The following PTPRD variants were observed in gnomAD, a reference collection of about 807,000 sequenced individuals.
The protein encoded by PTPRD is receptor-type tyrosine-protein phosphatase delta.
Under a neutral mutation model 214.5 loss-of-function variants are expected in PTPRD, and 34 were observed. The ratio of observed to expected loss-of-function variants is 0.16; its 90% CI spans 0.12 to 0.21. The LOEUF (loss-of-function observed/expected upper bound fraction) is 0.21. Among genes scored for constraint, PTPRD ranks in the 10% least tolerant of loss-of-function variants. The pLI is 1.00. For missense variants in PTPRD, 2,545 were observed against 2,398.7 expected (o/e 1.06, Z -1.27); for synonymous variants, 1,128 against 845.7 (o/e 1.33, Z -5.79).
chr9:9,948,704 A>G (rs2093097058), intron 4 of PTPRD, among the ~76,000 whole-genome samples: 1 of 152,176 alleles, frequency 6.6e-6, no homozygotes, highest in South Asian at 2.1e-4. Context: ...CTGTAATCCA[A>G]TGGCAGTAAT....
chr9:10,574,543 T>G (rs1391352034), intron 2 of PTPRD, among the ~76,000 whole-genome samples: 1 of 149,476 alleles, frequency 6.7e-6, no homozygotes, highest in Non-Finnish European at 1.5e-5. Context: ...GGAAAAAAAA[T>G]ATATCATTTC....
chr9:8,794,136 G>A (rs543678289), intron 11 of PTPRD, among the ~76,000 whole-genome samples: 2 of 127,070 alleles, frequency 1.6e-5, no homozygotes, highest in South Asian at 2.6e-4. Flanking sequence ...TTTTCCCCCT[G>A]TATTTGTGGA....
At position 9,565,057 on chromosome 9, in the gene PTPRD, C is replaced by T. The variant is rs184406264; in HGVS notation, c.-237+9675G>A. 3.1e-3 allele frequency among the ~76,000 whole-genome samples: 466 copies of T among 151,574 alleles called. 2 individuals carry two copies. Among genetic ancestry groups the T allele is most frequent in the African/African-American group, 0.011 (442 of 41,442 alleles). ...TGTCCTGATAACTAACTTAATCTTA[C>T]ATAATCCCATAAAAAGAAGCTTAAT... On this transcript the variant is annotated intron_variant, in intron 8 of 45. Transcript: ENST00000381196.
intron 4 of PTPRD, among the ~76,000 whole-genome samples, chr9:9,940,529 A>C (rs2091159749): frequency 1.3e-5 from 2 of 152,194 alleles, no homozygotes; most frequent in Non-Finnish European, 2.9e-5. Context: ...GTATAATTCT[A>C]GACCGATAAC....
At chr9:10,608,195 G>T (rs1237258874) in intron 2 of PTPRD, among the ~76,000 whole-genome samples, 1 of 151,960 alleles carries the variant, frequency 6.6e-6, no homozygotes, top group Non-Finnish European at 1.5e-5. Context: ...CATACATAGA[G>T]ATTTCAGAGT....
chr9:9,921,047 G>A (rs755339914), intron 5 of PTPRD, among the ~76,000 whole-genome samples: 15 of 151,942 alleles, frequency 9.9e-5, no homozygotes, highest in Non-Finnish European at 1.9e-4. Flanking sequence ...TTAGCTCCTG[G>A]CAAAGGACAG....
intron 11 of PTPRD, among the ~76,000 whole-genome samples, chr9:8,776,985 A>G (rs2095510479): frequency 6.7e-6 from 1 of 148,862 alleles, no homozygotes; most frequent in Admixed American, 6.8e-5. Context: ...ATATATATAC[A>G]TTTTTTTCTT....
chr9:9,938,984 A>G (rs1215260414), intron 4 of PTPRD, among the ~76,000 whole-genome samples: 1 of 150,494 alleles, frequency 6.6e-6, no homozygotes, highest in African/African-American at 2.5e-5. Flanking sequence ...AGAGAAGCTG[A>G]TGTTGAAAAT....
At chr9:8,862,418 G>A (rs1484139886) in intron 11 of PTPRD, among the ~76,000 whole-genome samples, 1 of 152,186 alleles carries the variant, frequency 6.6e-6, no homozygotes, top group African/African-American at 2.4e-5. Context: ...AAGAAGAAAA[G>A]AAGATATTAA....
intron 3 of PTPRD, among the ~76,000 whole-genome samples, chr9:10,276,359 T>C (rs1277180674): frequency 6.6e-6 from 1 of 152,156 alleles, no homozygotes. Flanking sequence ...CCAAGGACAA[T>C]GCAAGAGAAA....
At chr9:9,618,210 T>C (rs1244937979) in intron 7 of PTPRD, among the ~76,000 whole-genome samples, 1 of 151,712 alleles carries the variant, frequency 6.6e-6, no homozygotes, top group African/African-American at 2.4e-5. Flanking sequence ...CTAATCTGTG[T>C]TAGACACCAT....
At chr9:10,270,262 C>T (rs1160878841) in intron 3 of PTPRD, among the ~76,000 whole-genome samples, 1 of 151,858 alleles carries the variant, frequency 6.6e-6, no homozygotes, top group Non-Finnish European at 1.5e-5. Context: ...AGAATGGTAG[C>T]AATAGTTTTT....
rs148200911 is a variant in PTPRD, at chr9:10,038,260, C to G, written c.-544-4470G>C. 5.8e-4 allele frequency among the ~76,000 whole-genome samples: 89 copies of G among 152,182 alleles called. 2 individuals are homozygous for G. The East Asian group carries it at 0.015, about 25-fold the overall frequency. On this transcript the variant is annotated intron_variant, in intron 3 of 45. Transcript: ENST00000381196. ...TTCATCTTTAACATTTTGCCCTTAT[C>G]ATTCTACAACATCTCTCATGATGGC...
chr9:10,530,359 G>A (rs993242584), intron 2 of PTPRD, among the ~76,000 whole-genome samples: 3 of 152,146 alleles, frequency 2.0e-5, no homozygotes, highest in Non-Finnish European at 4.4e-5. Flanking sequence ...TATAATTTAC[G>A]AAAAAGTAAG....
At chr9:10,234,367 G>GC (rs1437739317) in intron 3 of PTPRD, among the ~76,000 whole-genome samples, 2 of 151,704 alleles carry the variant, frequency 1.3e-5, no homozygotes, top group Admixed American at 1.3e-4. Context: ...GCTTTTACTG[G>GC]CCCTAAAACA....
At chr9:10,126,652 C>A (rs144608383) in intron 3 of PTPRD, among the ~76,000 whole-genome samples, 2,276 of 152,146 alleles carry the variant, frequency 0.015, 41 homozygotes, top group Middle Eastern at 0.031. Context: ...ACACTAGATT[C>A]TTTCTTTTTT....
At chr9:10,308,952 G>T (rs2096179662) in intron 3 of PTPRD, among the ~76,000 whole-genome samples, 1 of 151,938 alleles carries the variant, frequency 6.6e-6, no homozygotes, top group South Asian at 2.1e-4. Flanking sequence ...TTACATACTT[G>T]TGTGAATATA....
chr9:10,405,212 A>G (rs2098333799), intron 2 of PTPRD, among the ~76,000 whole-genome samples: 1 of 151,722 alleles, frequency 6.6e-6, no homozygotes, highest in African/African-American at 2.4e-5. Flanking sequence ...AAAATGCCAG[A>G]CCATTATCTT....
intron 3 of PTPRD, among the ~76,000 whole-genome samples, chr9:10,072,103 A>G (rs977343256): frequency 6.6e-6 from 1 of 151,994 alleles, no homozygotes; most frequent in Non-Finnish European, 1.5e-5. Flanking sequence ...CAAATTACAT[A>G]TCTAATAATA....
Sources: allele counts gnomAD v4.1 joint callset (sites outside exome capture counted in the v4.1 genomes callset), GRCh38; gene constraint gnomAD v4.1.1; transcripts MANE v1.5; gene names NCBI Gene and HGNC (gene_info 2026-07-23, HGNC 2026-07-21).